Variants in CFH observed in about 807,000 individuals in gnomAD.
CFH encodes the protein H factor 1 (complement).
In CFH, 53 loss-of-function variants were observed where a neutral mutation model predicts 147.3. The ratio of observed to expected loss-of-function variants is 0.36; its 90% CI spans 0.29 to 0.45. The LOEUF is 0.45. CFH is among the 20% of genes least tolerant of loss of function. CFH has a pLI of 1.00. For missense variants in CFH, 1,380 were observed against 1,498.0 expected, an observed-to-expected ratio of 0.92 and a Z score of 1.30; for synonymous variants, 536 against 489.4, an observed-to-expected ratio of 1.10 and a Z score of -1.26.
chr1:196,662,811 G>T (rs1666952814), intron 1 of CFH, among the ~76,000 whole-genome samples: 2 of 151,972 alleles, frequency 1.3e-5, no homozygotes, highest in Non-Finnish European at 2.9e-5. Context: ...AGCCCAGGGG[G>T]TCAGGGTCGC....
At chr1:196,666,322 G>C (rs1050640751) in intron 1 of CFH, among the ~76,000 whole-genome samples, 23 of 151,962 alleles carry the variant, frequency 1.5e-4, no homozygotes, top group African/African-American at 5.6e-4. Context: ...TAGAAATTTG[G>C]ATAATTGATT....
At chr1:196,716,051 A>G (rs1390355228) in intron 11 of CFH, among the ~76,000 whole-genome samples, 1 of 152,136 alleles carries the variant, frequency 6.6e-6, no homozygotes, top group Non-Finnish European at 1.5e-5. Flanking sequence ...TTTAGAACCT[A>G]GCACTTATTA....
chr1:196,688,320 T>C (rs1457285852), intron 7 of CFH, among the ~76,000 whole-genome samples: 1 of 152,048 alleles, frequency 6.6e-6, no homozygotes, highest in African/African-American at 2.4e-5. Flanking sequence ...AATGTAATTA[T>C]ATTGTACCTT....
At chr1:196,745,381 G>T (rs1652964959) in intron 20 of CFH, among the ~76,000 whole-genome samples, 1 of 151,960 alleles carries the variant, frequency 6.6e-6, no homozygotes, top group Non-Finnish European at 1.5e-5. Context: ...ATTGCTGTAT[G>T]TTCAAGTTCA....
At chr1:196,657,345 A>G (rs1666737417) in intron 1 of CFH, among the ~76,000 whole-genome samples, 1 of 152,194 alleles carries the variant, frequency 6.6e-6, no homozygotes, top group Non-Finnish European at 1.5e-5. Context: ...ATCATATCGT[A>G]TATATGCATA....
In CFH at chr1:196,715,577, A is replaced by T. The variant is rs1471086027; in HGVS notation, c.1520-16A>T. On this transcript the variant is annotated splice_polypyrimidine_tract_variant and intron_variant, in intron 10 of 21. Coordinates refer to ENST00000367429, the MANE Select transcript of CFH (RefSeq NM_000186.4). ...GATGACATTAGAAATGACATTCTAA[A>T]TTTTTTATGCACTAGAATCTTGTGA... 4 of 1,597,182 alleles carry T rather than the reference A, an allele frequency of 2.5e-6. No individual in the cohort carries two copies. Among genetic ancestry groups the T allele is most frequent in the Non-Finnish European group, 2.6e-6 (3 of 1,165,330 alleles).
At chr1:196,709,968 C>G (rs1374526525) in intron 9 of CFH, among the ~76,000 whole-genome samples, 1 of 152,024 alleles carries the variant, frequency 6.6e-6, no homozygotes, top group African/African-American at 2.4e-5. Flanking sequence ...TGTGATCACG[C>G]TACTGAAATC....
At chr1:196,668,548 G>A (rs1407469945) in intron 1 of CFH, among the ~76,000 whole-genome samples, 4 of 152,108 alleles carry the variant, frequency 2.6e-5, no homozygotes, top group Admixed American at 6.5e-5. Flanking sequence ...GTCAAGGGAG[G>A]AACTCAGTGG....
chr1:196,658,662 T>C (rs997063045), intron 1 of CFH, among the ~76,000 whole-genome samples: 1 of 151,958 alleles, frequency 6.6e-6, no homozygotes, highest in African/African-American at 2.4e-5. Context: ...CGTGATCTGG[T>C]GATCTGCCGG....
chr1:196,690,393 T>A (rs755044884), intron 9 of CFH, 154 bp downstream of exon 9: 62 of 978,728 alleles, frequency 6.3e-5, no homozygotes, highest in Non-Finnish European at 9.1e-5. Context: ...CAACTGTGTA[T>A]AAATGAATAT....
chr1:196,658,311 A>G (rs1666776392), intron 1 of CFH, among the ~76,000 whole-genome samples: 1 of 151,804 alleles, frequency 6.6e-6, no homozygotes, highest in Admixed American at 6.6e-5. Context: ...GTACTGGTGC[A>G]ATCATGGCTC....
rs35343172 is a variant in CFH, at chr1:196,743,494, T to C, written c.3176T>C (p.Ile1059Thr). ...VNPPTVQNAY[I>T]VSRQMSKYPS... is the part of the protein sequence containing the mutation. ...CCGCCCACAGTACAAAATGCTTATA[T>C]AGTGTCGAGACAGATGAGTAAATAT... The change falls in exon 20 of 22, where the codon ATA (isoleucine) becomes ACA (threonine). Residue 1059 changes from isoleucine to threonine, a missense_variant. This residue lies in a region of CFH where 830 missense variants were observed against 821.4 expected (regional missense o/e 1.01). Transcript: ENST00000367429. 3.7e-3 allele frequency: 5,998 copies of C among 1,613,954 alleles called. 157 individuals carry two copies. In the African/African-American group the frequency reaches 0.068, roughly 18 times the overall value.
chr1:196,655,174 A>C (rs1430692798), intron 1 of CFH, among the ~76,000 whole-genome samples: 1 of 152,210 alleles, frequency 6.6e-6, no homozygotes, highest in Non-Finnish European at 1.5e-5. Flanking sequence ...ACTTCCCTGA[A>C]ACAATTTCAG....
At chr1:196,724,712 G>A (rs906354000) in intron 11 of CFH, among the ~76,000 whole-genome samples, 1 of 152,154 alleles carries the variant, frequency 6.6e-6, no homozygotes, top group African/African-American at 2.4e-5. Flanking sequence ...AGGAGAACTT[G>A]TGTCCAAACT....
At chr1:196,734,689 C>T (rs1669360807) in intron 15 of CFH, among the ~76,000 whole-genome samples, 1 of 152,058 alleles carries the variant, frequency 6.6e-6, no homozygotes, top group Non-Finnish European at 1.5e-5. Flanking sequence ...GCTTCCTATA[C>T]TGGCATCGTG....
At position 196,715,030 on chromosome 1, in the gene CFH, A is replaced by G. The variant is rs203675; in HGVS notation, c.1520-563A>G. ...TAAGGTATTCATGTATACTGTTTTC[A>G]TTTTTTAATGTCTGTGCTTAATATG... is the stretch of plus-strand genomic sequence containing the variant. On this transcript the variant is annotated intron_variant, in intron 10 of 21. Coordinates refer to ENST00000367429, the MANE Select transcript of CFH (RefSeq NM_000186.4). 6.4e-3 allele frequency among the ~76,000 whole-genome samples: 976 copies of G among 152,062 alleles called. 10 individuals carry two copies. The highest frequency in any genetic ancestry group is 0.022 in the African/African-American group (909 of 41,504).
At chr1:196,679,925 T>C (rs1667592049) in intron 6 of CFH, 132 bp downstream of exon 6, 3 of 836,566 alleles carry the variant, frequency 3.6e-6, no homozygotes, top group East Asian at 2.8e-5. Context: ...AAAAAACATA[T>C]AGCATTTTCT....
chr1:196,744,629 C>T (rs948846669), intron 20 of CFH, among the ~76,000 whole-genome samples: 11 of 152,232 alleles, frequency 7.2e-5, no homozygotes, highest in African/African-American at 2.6e-4. Context: ...TTTACACTCT[C>T]CACGTTGTAA....
chr1:196,658,573 G>A (rs867510886), intron 1 of CFH, among the ~76,000 whole-genome samples: 5 of 151,566 alleles, frequency 3.3e-5, no homozygotes, highest in Admixed American at 6.6e-5. Flanking sequence ...CACCAAGCCC[G>A]GCTATTTTTT....
Sources: gnomAD v4.1 joint callset for allele counts (sites outside exome capture counted in the v4.1 genomes callset) on GRCh38, gnomAD v4.1.1 for gene constraint, gnomAD v4.1.1 regional missense constraint, MANE v1.5 for transcripts, NCBI Gene and HGNC (gene_info 2026-07-23, HGNC 2026-07-21) for gene names.